The following PDZRN4 variants were observed in gnomAD, a reference collection of about 807,000 sequenced individuals.
The protein encoded by PDZRN4 is PDZ domain containing ring finger 4.
In PDZRN4, 70 loss-of-function variants were observed where a neutral mutation model predicts 99.0. The observed-to-expected ratio is 0.71, with a 90% CI of 0.58 to 0.86. The LOEUF is 0.86. PDZRN4 is among the 40% of genes least tolerant of loss of function. The probability of loss-of-function intolerance (pLI) is 0.00; values close to 1 mark genes in which losing one functional copy is unlikely to be tolerated. For missense variants in PDZRN4, 1,474 were observed against 1,331.2 expected (o/e 1.11, Z -1.67); for synonymous variants, 551 against 501.6 (o/e 1.10, Z -1.32).
At chr12:41,191,189 G>C (rs1386591808) in intron 1 of PDZRN4, among the ~76,000 whole-genome samples, 1 of 152,150 alleles carries the variant, frequency 6.6e-6, no homozygotes, top group East Asian at 1.9e-4. Flanking sequence ...TAGGATAAAA[G>C]AGCTTCCTGT....
At chr12:41,335,143 G>A (rs2121002529) in intron 3 of PDZRN4, among the ~76,000 whole-genome samples, 1 of 151,902 alleles carries the variant, frequency 6.6e-6, no homozygotes, top group African/African-American at 2.4e-5. Context: ...TGGTGACAAG[G>A]GGAGATTCAT....
chr12:41,496,021 T>C lies in PDZRN4; in HGVS notation c.844-10435T>C, dbSNP rs1592084516. 3.3e-5 allele frequency among the ~76,000 whole-genome samples: 5 copies of C among 152,270 alleles called. No homozygotes were observed. In the South Asian group the frequency reaches 8.3e-4, roughly 25 times the overall value. ...GTTTGGTTACAATTATAGATATATA[T>C]GTTGTTTTTCCCAGATTGTAAGAGC... On this transcript the variant is annotated intron_variant, in intron 3 of 9. Transcript: ENST00000402685.
intron 9 of PDZRN4, among the ~76,000 whole-genome samples, chr12:41,571,750 C>G (rs1939484855): frequency 6.6e-6 from 1 of 152,144 alleles, no homozygotes; most frequent in South Asian, 2.1e-4. Flanking sequence ...TCATTAATAA[C>G]CTGAATCTGC....
At chr12:41,390,358 C>T (rs1952201391) in intron 3 of PDZRN4, among the ~76,000 whole-genome samples, 1 of 151,712 alleles carries the variant, frequency 6.6e-6, no homozygotes, top group Admixed American at 6.6e-5. Context: ...TTTGCTATAC[C>T]ATTTTATTTC....
chr12:41,545,509 ATGTGTGTGTGTGTGTGTGTGTGTG>A lies in PDZRN4; in HGVS notation c.1204-7126_1204-7103del, dbSNP rs61040270. Among the ~76,000 whole-genome samples the A allele has an allele frequency of 3.3e-3, 478 of 143,094 alleles. 3 individuals carry two copies. The highest frequency in any genetic ancestry group is 0.012 in the African/African-American group (456 of 38,786). 93.9% of individuals were successfully genotyped at this position (143,094 alleles called of 152,430 possible). A position where few individuals can be genotyped will look rare whatever the true frequency, so the allele number is the denominator to read the frequency against. ...GCCCCAGCCCATATTGATGATATTAATGTGTGTGTGTGTGTGTGTGTGTGTGTGTGTGTGTGTGTGTGTGACAAT... is the reference window on the plus strand; with the variant it reads ...GCCCCAGCCCATATTGATGATATTAATGTGTGTGTGTGTGTGTGTGACAAT... On this transcript the variant is annotated intron_variant, in intron 5 of 9. Coordinates refer to ENST00000402685, the MANE Select transcript of PDZRN4 (RefSeq NM_001164595.2).
rs2120660922 is a variant in PDZRN4, at chr12:41,199,834, G to C, written c.843+5646G>C. 2.0e-5 allele frequency among the ~76,000 whole-genome samples: 3 copies of C among 152,264 alleles called. No homozygotes were observed. The Middle Eastern group carries it at 0.01, about 518-fold the overall frequency. On this transcript the variant is annotated intron_variant, in intron 3 of 9. Transcript: ENST00000402685. ...CAATGTGCACACATGGACATAGAGA[G>C]TGGAATAACAGATGTTGAAGATGTG...
At chr12:41,495,130 T>C (rs2120641080) in intron 3 of PDZRN4, among the ~76,000 whole-genome samples, 1 of 152,186 alleles carries the variant, frequency 6.6e-6, no homozygotes, top group East Asian at 1.9e-4. Context: ...TGTGTGTGTT[T>C]GTGCATGTGT....
chr12:41,326,959 G>A (rs963951133), intron 3 of PDZRN4, among the ~76,000 whole-genome samples: 10 of 152,096 alleles, frequency 6.6e-5, no homozygotes, highest in African/African-American at 1.9e-4. Context: ...ATTTGCTCCC[G>A]AATGTCTGAA....
chr12:41,557,415 C>G (rs1053535510), intron 7 of PDZRN4, among the ~76,000 whole-genome samples: 2 of 152,146 alleles, frequency 1.3e-5, no homozygotes, highest in African/African-American at 4.8e-5. Context: ...GGATTCCACA[C>G]TTTTGGAATC....
intron 3 of PDZRN4, among the ~76,000 whole-genome samples, chr12:41,366,409 A>T (rs1293656111): frequency 6.6e-6 from 1 of 152,132 alleles, no homozygotes; most frequent in Non-Finnish European, 1.5e-5. Context: ...ACATCACATT[A>T]TCAGCAGTAA....
rs547104355 is a variant in PDZRN4 at position 41,505,225 on chromosome 12, G to A, written c.844-1231G>A. Among the ~76,000 whole-genome samples the A allele has an allele frequency of 5.3e-5, 8 of 152,142 alleles. No individual in the cohort carries two copies. The South Asian group carries it at 1.0e-3, about 20-fold the overall frequency. On this transcript the variant is annotated intron_variant, in intron 3 of 9. Coordinates refer to ENST00000402685, the MANE Select transcript of PDZRN4 (RefSeq NM_001164595.2). Reference sequence around the variant, plus strand: ...GGGATCTCTAAGGGTTTGCTGGTGCGTAACAGTTATCAGTGCCTCACCAAC... The same window carrying A: ...GGGATCTCTAAGGGTTTGCTGGTGCATAACAGTTATCAGTGCCTCACCAAC...
chr12:41,239,115 A>G (rs1196164586), intron 3 of PDZRN4, among the ~76,000 whole-genome samples: 2 of 152,344 alleles, frequency 1.3e-5, no homozygotes, highest in Admixed American at 6.5e-5. Context: ...AATATACACC[A>G]TGGAATAGTA....
chr12:41,248,493 A>G (rs1591984172), intron 3 of PDZRN4, among the ~76,000 whole-genome samples: 1 of 146,528 alleles, frequency 6.8e-6, no homozygotes, highest in South Asian at 2.3e-4. Flanking sequence ...CCAGTAAGTT[A>G]GTGTGTAATG....
intron 3 of PDZRN4, among the ~76,000 whole-genome samples, chr12:41,269,351 A>G (rs1203962111): frequency 6.6e-6 from 1 of 152,236 alleles, no homozygotes; most frequent in Non-Finnish European, 1.5e-5. Context: ...AGAGCAGCTT[A>G]TAATTGTTGA....
intron 3 of PDZRN4, among the ~76,000 whole-genome samples, chr12:41,223,677 A>C (rs1168325441): frequency 6.6e-6 from 1 of 152,180 alleles, no homozygotes; most frequent in Admixed American, 6.5e-5. Flanking sequence ...AGTGAGCTGA[A>C]GTAGTACTCA....
chr12:41,555,808 T>C (rs1461617449), intron 7 of PDZRN4, 48 bp downstream of exon 7: 1 of 1,380,916 alleles, frequency 7.2e-7, no homozygotes. Flanking sequence ...CTGTCCAAAG[T>C]TACTATTTTA....
intron 3 of PDZRN4, among the ~76,000 whole-genome samples, chr12:41,470,387 G>A (rs560845021): frequency 4.1e-4 from 62 of 152,180 alleles, no homozygotes; most frequent in Middle Eastern, 3.4e-3. Flanking sequence ...ATGTGTTTTT[G>A]TGTTGTTTGT....
At chr12:41,353,025 T>G (rs952692801) in intron 3 of PDZRN4, among the ~76,000 whole-genome samples, 1 of 152,070 alleles carries the variant, frequency 6.6e-6, no homozygotes, top group Non-Finnish European at 1.5e-5. Flanking sequence ...AGCAAATCCT[T>G]AGGTTGGGTA....
intron 6 of PDZRN4, among the ~76,000 whole-genome samples, chr12:41,553,751 C>T (rs1939097311): frequency 6.6e-6 from 1 of 152,008 alleles, no homozygotes; most frequent in Non-Finnish European, 1.5e-5. Context: ...TAAAAAATTA[C>T]ATACTTATAT....
Sources: allele counts gnomAD v4.1 joint callset (sites outside exome capture counted in the v4.1 genomes callset), GRCh38; gene constraint gnomAD v4.1.1; transcripts MANE v1.5; gene names NCBI Gene and HGNC (gene_info 2026-07-23, HGNC 2026-07-21).